LIPE: variants seen among roughly 807,000 people sequenced by gnomAD.
LIPE encodes lipase E, hormone sensitive type.
In LIPE, 66 loss-of-function variants were observed where a neutral mutation model predicts 88.5. The ratio of observed to expected loss-of-function variants is 0.75; its 90% CI spans 0.61 to 0.91. The LOEUF is 0.91. Among genes scored for constraint, LIPE ranks in the 40% least tolerant of loss-of-function variants. The pLI is 0.00. For synonymous variants in LIPE, 570 were observed against 617.5 expected (o/e 0.92, Z 1.14); for missense variants, 1,346 against 1,434.7 (o/e 0.94, Z 1.00).
chr19:42,405,804 A>G, intron 7 of LIPE: 1 of 552,458 alleles, frequency 1.8e-6, no homozygotes. Flanking sequence ...AAACACAAAA[A>G]TTAGCTGGGC....
chr19:42,422,344 G>A (rs35349390), intron 1 of LIPE, among the ~76,000 whole-genome samples: 7,226 of 152,248 alleles, frequency 0.047, 543 homozygotes, highest in African/African-American at 0.16. Context: ...CTGAGGAACC[G>A]GATCTCCGAC....
chr19:42,401,738 C>A lies in LIPE; in HGVS notation c.*74G>T. On this transcript the variant is annotated 3_prime_UTR_variant, in exon 10 of 10. Transcript: ENST00000244289. ...TGCCACCCCCGACTTAAGTAAGGCA[C>A]AGCCCGCGTCCCCTTCCGCCCGGCC... 1.1e-6 allele frequency: 1 copy of A among 899,240 alleles called. No individual in the cohort carries two copies. The highest frequency in any genetic ancestry group is 1.5e-6 in the Non-Finnish European group (1 of 663,696). The allele number at this position is 899,240 out of a possible 1,614,324, so 55.7% of individuals were successfully genotyped here. A position where few individuals can be genotyped will look rare whatever the true frequency, so the allele number is the denominator to read the frequency against.
rs2039988450 is a variant in LIPE, at chr19:42,401,992, G to A, written c.3051C>T (p.Arg1017=). 3.2e-6 allele frequency: 5 copies of A among 1,554,586 alleles called. No individual in the cohort carries two copies. Among genetic ancestry groups the A allele is most frequent in the Middle Eastern group, 2.0e-4 (1 of 5,106 alleles). The change falls in exon 10 of 10, where the codon CGC becomes CGT. Residue 1017 remains arginine, a synonymous_variant. Transcript: ENST00000244289. ...LRNLGQPVTL[R]VVEDLPHGFL... is the part of the protein sequence containing the mutation. ...AGCCGTGCGGCAGGTCCTCCACCAC[G>A]CGCAGCGTCACCGGCTGGCCCAGGT...
At position 42,402,914 on chromosome 19, in the gene LIPE, G is replaced by C; in HGVS notation, c.2660C>G (p.Thr887Arg). The C allele has an allele frequency of 1.2e-6, 2 of 1,612,150 alleles. No individual in the cohort carries two copies. Among genetic ancestry groups the C allele is most frequent in the South Asian group, 1.1e-5 (1 of 91,048 alleles). Residue 887 changes from threonine to arginine, a missense_variant, in exon 9 of 10, where the codon ACG becomes AGG. By Grantham distance (71) the Thr-to-Arg change is moderately conservative (BLOSUM62 -1). Transcript: ENST00000244289. ...CGACATCTCGGGGGTGTCCGACGAC[G>C]TCTCGGAGTTTCCCCTCAGGCTCAA... The part of the protein sequence containing the change: ...RDLSLRGNSE[T>R]SSDTPEMSLS...
rs556366858 is a variant in LIPE, at chr19:42,414,529, T to C, written c.884-3687A>G. ...TCCTGAGATGGTGTATTGGGTGATT[T>C]TTCTCTGCGGCACTTGTCACCATCT... On this transcript the variant is annotated intron_variant, in intron 1 of 9. Transcript: ENST00000244289. The surrounding 1 kb of genome is among the most constrained non-coding windows in gnomAD (Gnocchi z 4.6). Among the ~76,000 whole-genome samples, 7 of 152,354 alleles carry C rather than the reference T, an allele frequency of 4.6e-5. No individual in the cohort carries two copies. The South Asian group carries it at 1.4e-3, about 32-fold the overall frequency.
rs200083881 is a variant in LIPE, at chr19:42,402,590, C to A, written c.2967+17G>T. ...TCTTCTCTAAATGCACCTGTACCGGCCCCCTCTGTCGCTCACCACGATGTG... is the reference window on the plus strand; with the variant it reads ...TCTTCTCTAAATGCACCTGTACCGGACCCCTCTGTCGCTCACCACGATGTG... On this transcript the variant is annotated intron_variant, in intron 9 of 9. Transcript: ENST00000244289. The A allele has an allele frequency of 1.4e-3, 2,094 of 1,473,562 alleles. 29 individuals carry two copies. In the African/African-American group the frequency reaches 0.027, roughly 19 times the overall value. The allele number at this position is 1,473,562 out of a possible 1,614,324, so 91.3% of individuals were successfully genotyped here.
rs2040327749 is a variant in LIPE at position 42,410,162 on chromosome 19, T to C, written c.1419+145A>G. 8 of 830,368 alleles carry C rather than the reference T, an allele frequency of 9.6e-6. No individual in the cohort carries two copies. The highest frequency in any genetic ancestry group is 1.3e-5 in the Non-Finnish European group (7 of 545,804). 51.4% of individuals were successfully genotyped at this position (830,368 alleles called of 1,614,324 possible). A position where few individuals can be genotyped will look rare whatever the true frequency, so the allele number is the denominator to read the frequency against. On this transcript the variant is annotated intron_variant, in intron 2 of 9. Coordinates refer to ENST00000244289, the MANE Select transcript of LIPE (RefSeq NM_005357.4). The surrounding 1 kb of genome is among the most constrained non-coding windows in gnomAD (Gnocchi z 6.1). ...ACCCCTGGTGCAGCTCTGTCTGAGC[T>C]CCAGCCAACTTCTCCTTTCTGTACC... is the stretch of plus-strand genomic sequence containing the variant.
At chr19:42,416,109 G>A (rs1311537463) in intron 1 of LIPE, among the ~76,000 whole-genome samples, 2 of 152,178 alleles carry the variant, frequency 1.3e-5, no homozygotes, top group Non-Finnish European at 2.9e-5. Context: ...TTGGGAGGCT[G>A]AGGCAGGTGG....
At chr19:42,423,924 C>T (rs1041390109) in intron 1 of LIPE, 84 of 1,159,586 alleles carry the variant, frequency 7.2e-5, no homozygotes, top group Non-Finnish European at 8.8e-5. Flanking sequence ...TCCCACTCAC[C>T]TTCCCAGGGA....
chr19:42,407,597 G>C lies in LIPE; in HGVS notation c.1842+9C>G. 6.2e-7 allele frequency: 1 copy of C among 1,601,090 alleles called. No individual in the cohort carries two copies. Among genetic ancestry groups the C allele is most frequent in the Non-Finnish European group, 8.5e-7 (1 of 1,172,648 alleles). ...CTGTCCCTGTCCCTGGCTGAGGCTG[G>C]AACCCTACCTGTCCTTCACGCAGGT... is the stretch of plus-strand genomic sequence containing the variant. On this transcript the variant is annotated intron_variant, in intron 5 of 9. Transcript: ENST00000244289. This position sits in a 1 kb window ranked among gnomAD's most constrained non-coding sequence, Gnocchi z 5.8.
At position 42,412,044 on chromosome 19, in the gene LIPE, T is replaced by C. The variant is rs182653461; in HGVS notation, c.884-1202A>G. On this transcript the variant is annotated intron_variant, in intron 1 of 9. Coordinates refer to ENST00000244289, the MANE Select transcript of LIPE (RefSeq NM_005357.4). ...CTCTCTGGGTCCACAGCCACACTTA[T>C]GTGGGGCTCCCCGCTAGGACTCTGG... Among the ~76,000 whole-genome samples the C allele has an allele frequency of 5.9e-5, 9 of 152,336 alleles. No homozygotes were observed. In the East Asian group the frequency reaches 1.3e-3, roughly 23 times the overall value.
At chr19:42,422,318 C>T (rs1044400098) in intron 1 of LIPE, among the ~76,000 whole-genome samples, 3 of 152,162 alleles carry the variant, frequency 2.0e-5, no homozygotes, top group Non-Finnish European at 4.4e-5. Context: ...CTGCCCAGAA[C>T]ATCACAGCTC....
intron 1 of LIPE, among the ~76,000 whole-genome samples, chr19:42,411,607 A>G (rs1306666486): frequency 6.6e-6 from 1 of 152,114 alleles, no homozygotes; most frequent in African/African-American, 2.4e-5. Context: ...ACTTCACTGA[A>G]GAGTCATTCC....
At chr19:42,411,025 C>A (rs1408032705) in intron 1 of LIPE, among the ~76,000 whole-genome samples, 183 bp from the exon 2 acceptor site, 2 of 152,206 alleles carry the variant, frequency 1.3e-5, no homozygotes, top group African/African-American at 2.4e-5. Flanking sequence ...ACCCTCTTGT[C>A]TCTGGGAATC....
At position 42,403,008 on chromosome 19, in the gene LIPE, C is replaced by T; in HGVS notation, c.2566G>A (p.Glu856Lys). Residue 856 changes from glutamate to lysine, a missense_variant, in exon 9 of 10, where the codon GAA becomes AAA. Glu to Lys is a moderately conservative substitution (Grantham distance 56). Transcript: ENST00000244289. ...CCCTGGGGCTGGGCCAGTGCTGCTT[C>T]AGACACACTGCGGCGCATCGGCTCT... The part of the protein sequence containing the change: ...IAEPMRRSVS[E>K]AALAQPQGPL... 1 of 1,583,022 alleles carries T rather than the reference C, an allele frequency of 6.3e-7. No individual in the cohort carries two copies. Among genetic ancestry groups the T allele is most frequent in the Non-Finnish European group, 8.6e-7 (1 of 1,166,326 alleles).
chr19:42,424,205 G>T, intron 1 of LIPE: 1 of 902,258 alleles, frequency 1.1e-6, no homozygotes, highest in Non-Finnish European at 1.5e-6. Context: ...GATAATGAGG[G>T]TGGGGGATGG....
At chr19:42,405,796 A>C (rs1019278614) in intron 7 of LIPE, 7 of 556,826 alleles carry the variant, frequency 1.3e-5, no homozygotes, top group Middle Eastern at 9.5e-4. Context: ...ATAGCGAAAA[A>C]CACAAAAATT....
chr19:42,402,586 C>A, intron 9 of LIPE, 21 bp downstream of exon 9: 2 of 1,472,810 alleles, frequency 1.4e-6, no homozygotes, highest in Non-Finnish European at 1.8e-6. Context: ...TGCACCTGTA[C>A]CGGCCCCCTC....
chr19:42,424,640 T>A, intron 1 of LIPE: 1 of 456,340 alleles, frequency 2.2e-6, no homozygotes, highest in Non-Finnish European at 4.4e-6. Flanking sequence ...CAGACTGGCC[T>A]CTGGGCGGAG....
Sources: gnomAD v4.1 joint callset for allele counts (sites outside exome capture counted in the v4.1 genomes callset) on GRCh38, gnomAD v4.1.1 for gene constraint, Gnocchi (gnomAD v3.1) non-coding constraint, MANE v1.5 for transcripts, NCBI Gene and HGNC (gene_info 2026-07-23, HGNC 2026-07-21) for gene names.